ARHGAP6: variants seen among roughly 807,000 people sequenced by gnomAD.
The protein encoded by ARHGAP6 is rho GTPase-activating protein 6.
Under a neutral mutation model 55.7 loss-of-function variants are expected in ARHGAP6, and 16 were observed. The ratio of observed to expected loss-of-function variants is 0.29; its 90% CI spans 0.19 to 0.44. The LOEUF is 0.44. Ranked by LOEUF, ARHGAP6 falls within the 20% of genes least tolerant of loss-of-function variation. The pLI, the probability that ARHGAP6 is intolerant of heterozygous loss-of-function variation, is 1.00. For missense variants in ARHGAP6, 698 were observed against 808.9 expected (o/e 0.86, Z 1.66); for synonymous variants, 382 against 360.9 (o/e 1.06, Z -0.66).
chrX:11,240,179 G>A (rs895823329), intron 2 of ARHGAP6, among the ~76,000 whole-genome samples: 3 of 112,333 alleles, frequency 2.7e-5, no homozygotes, highest in Non-Finnish European at 3.8e-5. Flanking sequence ...TAGGAAAACA[G>A]GTGTTACCTG....
At chrX:11,272,008 T>C (rs1464570670) in intron 1 of ARHGAP6, among the ~76,000 whole-genome samples, 1 of 111,824 alleles carries the variant, frequency 8.9e-6, no homozygotes, top group Non-Finnish European at 1.9e-5. Flanking sequence ...CTTGCTGTAG[T>C]TTTCAAAAAT....
At chrX:11,277,137 G>A (rs1184490334) in intron 1 of ARHGAP6, among the ~76,000 whole-genome samples, 1 of 111,305 alleles carries the variant, frequency 9.0e-6, no homozygotes, top group Non-Finnish European at 1.9e-5. Context: ...TATAATATGT[G>A]GGCTTTTTGT....
intron 1 of ARHGAP6, among the ~76,000 whole-genome samples, chrX:11,355,259 C>A (rs758364119): frequency 8.9e-6 from 1 of 112,167 alleles, no homozygotes; most frequent in South Asian, 3.7e-4. Flanking sequence ...CCAGAGCACA[C>A]ATGGAGCACT....
chrX:11,572,949 G>T (rs1462648613), intron 1 of ARHGAP6, among the ~76,000 whole-genome samples: 2 of 112,155 alleles, frequency 1.8e-5, no homozygotes, highest in African/African-American at 6.5e-5. Context: ...GTGATGATAC[G>T]CATTTTTTCA....
intron 1 of ARHGAP6, among the ~76,000 whole-genome samples, chrX:11,555,949 G>A (rs949699534): frequency 2.7e-5 from 3 of 111,066 alleles, no homozygotes; most frequent in South Asian, 3.9e-4. Context: ...AACACAGGGT[G>A]ATGCTGATGA....
chrX:11,477,041 G>C (rs988782431), intron 1 of ARHGAP6, among the ~76,000 whole-genome samples: 8 of 109,444 alleles, frequency 7.3e-5, no homozygotes, highest in Non-Finnish European at 1.5e-4. Context: ...GCAAGACATA[G>C]ACTAGGAAAA....
chrX:11,291,123 T>C (rs992380905), intron 1 of ARHGAP6, among the ~76,000 whole-genome samples: 6 of 112,679 alleles, frequency 5.3e-5, no homozygotes, highest in Admixed American at 2.8e-4. Flanking sequence ...AATAATTGCT[T>C]ATAGGAAAAA....
chrX:11,324,776 T>C (rs2048478354), intron 1 of ARHGAP6, among the ~76,000 whole-genome samples: 2 of 112,257 alleles, frequency 1.8e-5, no homozygotes, highest in Non-Finnish European at 3.8e-5. Flanking sequence ...ATTTATTATT[T>C]CTTATCTTTT....
chrX:11,207,422 CCATAT>C (rs2046721648), intron 2 of ARHGAP6, among the ~76,000 whole-genome samples: 1 of 111,978 alleles, frequency 8.9e-6, no homozygotes, highest in Non-Finnish European at 1.9e-5. Context: ...ACATGACATT[CCATAT>C]ACTTACCATC....
At chrX:11,389,655 T>C (rs2049377917) in intron 1 of ARHGAP6, among the ~76,000 whole-genome samples, 1 of 112,488 alleles carries the variant, frequency 8.9e-6, no homozygotes, top group South Asian at 3.6e-4. Context: ...TCCTAAATAA[T>C]ACATTTGTAG....
intron 1 of ARHGAP6, among the ~76,000 whole-genome samples, chrX:11,269,247 A>G (rs924301889): frequency 1.8e-5 from 2 of 110,951 alleles, no homozygotes; most frequent in African/African-American, 6.6e-5. Flanking sequence ...CTCCTCCTAT[A>G]CTTCTCCCCA....
intron 1 of ARHGAP6, among the ~76,000 whole-genome samples, chrX:11,593,265 C>T (rs974174489): frequency 6.3e-5 from 7 of 111,782 alleles, no homozygotes; most frequent in Non-Finnish European, 9.4e-5. Flanking sequence ...AGGAGAAATA[C>T]GACCTTTGGC....
At chrX:11,201,070 C>T (rs1184290585) in intron 2 of ARHGAP6, among the ~76,000 whole-genome samples, 1 of 111,778 alleles carries the variant, frequency 8.9e-6, no homozygotes, top group African/African-American at 3.3e-5. Context: ...TGTATTTGTG[C>T]ACATTCATAT....
intron 1 of ARHGAP6, among the ~76,000 whole-genome samples, chrX:11,601,051 A>G (rs2051964643): frequency 8.9e-6 from 1 of 112,248 alleles, no homozygotes; most frequent in Non-Finnish European, 1.9e-5. Flanking sequence ...GCATGTCCAG[A>G]GATTGGCATT....
chrX:11,174,631 CTTTCTTT>C (rs2046167487), intron 8 of ARHGAP6, among the ~76,000 whole-genome samples: 2 of 27,076 alleles, frequency 7.4e-5, no homozygotes, highest in Admixed American at 5.1e-4. Flanking sequence ...TCTTTTCTTT[CTTTCTTT>C]CTTTCTTTCT....
chrX:11,626,420 G>A (rs774777832), intron 1 of ARHGAP6, among the ~76,000 whole-genome samples: 1 of 111,736 alleles, frequency 8.9e-6, no homozygotes, highest in South Asian at 3.7e-4. Flanking sequence ...TTCTCTGAAA[G>A]AAGCTAAAAT....
intron 2 of ARHGAP6, among the ~76,000 whole-genome samples, chrX:11,243,266 A>G (rs1015383119): frequency 3.6e-5 from 4 of 110,770 alleles, no homozygotes; most frequent in Non-Finnish European, 7.6e-5. Flanking sequence ...TCCTTGCTCC[A>G]TTTTGTCAGT....
Position 11,664,256 on chromosome X carries a change from G to T in ARHGAP6, c.573C>A (p.Val191=). The T allele has an allele frequency of 8.3e-7, 1 of 1,206,168 alleles. No homozygotes were observed. Among genetic ancestry groups the T allele is most frequent in the East Asian group, 3.0e-5 (1 of 33,798 alleles). The change falls in exon 1 of 13, where the codon GTC becomes GTA. Residue 191 remains valine, a synonymous_variant. Coordinates refer to ENST00000337414, the MANE Select transcript of ARHGAP6 (RefSeq NM_013427.3). ...SPPDSRGHPY[V]VWKSEGDFTW... ...TGGTCCCTACCTCGGATTTCCACACGACGTAGGGGTGCCCGCGACTGTCGG... is the reference window on the plus strand; with the variant it reads ...TGGTCCCTACCTCGGATTTCCACACTACGTAGGGGTGCCCGCGACTGTCGG...
At chrX:11,288,655 C>G (rs1049628323) in intron 1 of ARHGAP6, among the ~76,000 whole-genome samples, 1 of 111,464 alleles carries the variant, frequency 9.0e-6, no homozygotes, top group Non-Finnish European at 1.9e-5. Flanking sequence ...AGCAGTAACT[C>G]CCCATTTCCC....
Sources: allele counts gnomAD v4.1 joint callset (sites outside exome capture counted in the v4.1 genomes callset), GRCh38; gene constraint gnomAD v4.1.1; transcripts MANE v1.5; gene names NCBI Gene and HGNC (gene_info 2026-07-23, HGNC 2026-07-21).